MYMX: variants seen among roughly 807,000 people sequenced by gnomAD.
The protein encoded by MYMX is protein myomixer.
the MYMX span, among the ~76,000 whole-genome samples, chr6:44,196,247 G>A: frequency 8.5e-5 from 13 of 152,250 alleles, no homozygotes; most frequent in East Asian, 1.9e-4. Flanking sequence ...ACATATCTCC[G>A]TATCATATCT....
the MYMX span, among the ~76,000 whole-genome samples, chr6:44,204,141 G>A: frequency 6.6e-6 from 1 of 152,174 alleles, no homozygotes; most frequent in African/African-American, 2.4e-5. Context: ...GAGTCACTGC[G>A]CCTGGTGGAA....
At chr6:44,203,581 T>A in the MYMX span, among the ~76,000 whole-genome samples, 1 of 152,162 alleles carries the variant, frequency 6.6e-6, no homozygotes, top group Non-Finnish European at 1.5e-5. Context: ...GAATTCCTCC[T>A]GAGCAATTTG....
the MYMX span, among the ~76,000 whole-genome samples, chr6:44,203,323 A>G: frequency 6.6e-6 from 1 of 152,078 alleles, no homozygotes; most frequent in African/African-American, 2.4e-5. Flanking sequence ...TGTTCCGTAA[A>G]CCAAAAAAAA....
chr6:44,204,095 C>G, the MYMX span, among the ~76,000 whole-genome samples: 31 of 152,160 alleles, frequency 2.0e-4, no homozygotes, highest in Non-Finnish European at 3.8e-4. Context: ...GTGATCCACC[C>G]GCCTTGGTCT....
upstream of MYMX, among the ~76,000 whole-genome samples, chr6:44,212,459 T>C (rs890528731): frequency 1.3e-5 from 2 of 151,648 alleles, no homozygotes; most frequent in African/African-American, 4.8e-5. Flanking sequence ...AATAAAATAC[T>C]GTCACCACGA....
the MYMX span, among the ~76,000 whole-genome samples, chr6:44,193,832 A>T: frequency 6.2e-4 from 95 of 152,130 alleles, no homozygotes; most frequent in Non-Finnish European, 1.2e-3. Context: ...TAAAAATACA[A>T]AGTTAGCCGG....
chr6:44,206,732 T>C, the MYMX span, among the ~76,000 whole-genome samples: 1 of 152,144 alleles, frequency 6.6e-6, no homozygotes, highest in South Asian at 2.1e-4. Context: ...AGGAGAATCA[T>C]GGAATGAGGG....
chr6:44,196,680 C>T, the MYMX span, among the ~76,000 whole-genome samples: 33 of 148,128 alleles, frequency 2.2e-4, no homozygotes, highest in South Asian at 5.4e-3. Context: ...ACAAACAGGA[C>T]GGGCGCAGTG....
At chr6:44,202,932 G>C in the MYMX span, among the ~76,000 whole-genome samples, 1 of 152,192 alleles carries the variant, frequency 6.6e-6, no homozygotes, top group Non-Finnish European at 1.5e-5. Context: ...GTTTACAAGA[G>C]GCAGCGGTGG....
the MYMX span, among the ~76,000 whole-genome samples, chr6:44,201,159 C>T: frequency 6.6e-6 from 1 of 152,212 alleles, no homozygotes; most frequent in African/African-American, 2.4e-5. Context: ...GACCATCCCT[C>T]CAAAGCGCAT....
At chr6:44,193,209 T>G in the MYMX span, among the ~76,000 whole-genome samples, 1 of 152,168 alleles carries the variant, frequency 6.6e-6, no homozygotes, top group African/African-American at 2.4e-5. Context: ...TAAATGAATA[T>G]GAGCTCTGGG....
chr6:44,217,144 G>A (rs1775920842), intron 1 of MYMX, 176 bp downstream of exon 1: 1 of 280,760 alleles, frequency 3.6e-6, no homozygotes, highest in Non-Finnish European at 6.6e-6. Context: ...CAAGAGGAGG[G>A]GGTGACTAGA....
the MYMX span, among the ~76,000 whole-genome samples, chr6:44,201,925 C>A: frequency 6.6e-6 from 1 of 152,240 alleles, no homozygotes; most frequent in Non-Finnish European, 1.5e-5. Context: ...GGTCCCAGAG[C>A]CAGCATGTGG....
the MYMX span, among the ~76,000 whole-genome samples, chr6:44,197,910 CT>C: frequency 3.3e-5 from 5 of 151,954 alleles, no homozygotes; most frequent in Non-Finnish European, 2.9e-5. Context: ...AAGTATGTTA[CT>C]TGTAATTGAT....
chr6:44,205,229 G>A, the MYMX span, among the ~76,000 whole-genome samples: 4 of 151,022 alleles, frequency 2.6e-5, no homozygotes, highest in Non-Finnish European at 5.9e-5. Flanking sequence ...AGAGATCATC[G>A]TTCTTTGAAA....
chr6:44,213,011 C>T (rs1775680123), upstream of MYMX, among the ~76,000 whole-genome samples: 1 of 151,830 alleles, frequency 6.6e-6, no homozygotes, highest in African/African-American at 2.4e-5. Flanking sequence ...CAGGGTAAGA[C>T]CCTGTTTCTA....
the MYMX span, among the ~76,000 whole-genome samples, chr6:44,211,667 G>T: frequency 1.3e-5 from 2 of 149,078 alleles, no homozygotes; most frequent in African/African-American, 5.0e-5. Flanking sequence ...GCCCAGGCTA[G>T]AGTGCAGTGG....
chr6:44,205,236 GA>G, the MYMX span, among the ~76,000 whole-genome samples: 593 of 140,968 alleles, frequency 4.2e-3, 3 homozygotes, highest in Non-Finnish European at 4.5e-3. Context: ...ATCGTTCTTT[GA>G]AAAAAAAAAA....
At position 44,217,850 on chromosome 6, in the gene MYMX, G is replaced by A. The variant is rs1775967255; in HGVS notation, c.*124G>A. 2.5e-6 allele frequency: 1 copy of A among 399,566 alleles called. No homozygotes were observed. Among genetic ancestry groups the A allele is most frequent in the African/African-American group, 2.1e-5 (1 of 48,706 alleles). 24.8% of individuals were successfully genotyped at this position (399,566 alleles called of 1,614,324 possible). A position where few individuals can be genotyped will look rare whatever the true frequency, so the allele number is the denominator to read the frequency against. On this transcript the variant is annotated 3_prime_UTR_variant, in exon 2 of 2. Coordinates refer to ENST00000573382, the MANE Select transcript of MYMX (RefSeq NM_001315494.2). ...AAGATATAGTGAGGGTTGTGCATGA[G>A]AGGGATCTGCCACAGACATGCCTCT...
Sources: allele counts gnomAD v4.1 joint callset (sites outside exome capture counted in the v4.1 genomes callset), GRCh38; gene constraint gnomAD v4.1.1; transcripts MANE v1.5; gene names NCBI Gene and HGNC (gene_info 2026-07-23, HGNC 2026-07-21).